Variants in DEPTOR observed in about 807,000 individuals in gnomAD.
DEPTOR encodes DEP domain-containing mTOR-interacting protein.
In DEPTOR, 41 loss-of-function variants were observed where a neutral mutation model predicts 41.6. The observed-to-expected ratio is 0.98, with a 90% CI of 0.77 to 1.28. The LOEUF (loss-of-function observed/expected upper bound fraction) is 1.28. Ranked by LOEUF, DEPTOR falls within the 50% of genes most tolerant of loss-of-function variation. The probability of loss-of-function intolerance (pLI) is 0.00; values close to 1 mark genes in which losing one functional copy is unlikely to be tolerated. For missense variants in DEPTOR, 514 were observed against 527.9 expected (o/e 0.97, Z 0.26); for synonymous variants, 195 against 192.3 (o/e 1.01, Z -0.12).
At chr8:120,020,779 C>T (rs986114059) in intron 8 of DEPTOR, among the ~76,000 whole-genome samples, 2 of 152,108 alleles carry the variant, frequency 1.3e-5, no homozygotes, top group Non-Finnish European at 1.5e-5. Context: ...ATGATGCTGG[C>T]CAGACACGGT....
intron 1 of DEPTOR, among the ~76,000 whole-genome samples, chr8:119,890,377 A>G (rs1563958066): frequency 6.6e-6 from 1 of 152,040 alleles, no homozygotes; most frequent in Non-Finnish European, 1.5e-5. Flanking sequence ...ATCTTGGCTC[A>G]CTGCAACCTC....
intron 4 of DEPTOR, 119 bp downstream of exon 4, chr8:119,965,529 T>G: frequency 7.9e-7 from 1 of 1,273,676 alleles, no homozygotes; most frequent in Non-Finnish European, 1.1e-6. Context: ...CACCTCTGCT[T>G]ATGTTCAGCT....
chr8:119,899,299 A>G (rs1827558028), intron 1 of DEPTOR, among the ~76,000 whole-genome samples: 1 of 152,166 alleles, frequency 6.6e-6, no homozygotes, highest in Non-Finnish European at 1.5e-5. Context: ...GTCTCTTTCG[A>G]TATCTTTTAA....
intron 3 of DEPTOR, among the ~76,000 whole-genome samples, chr8:119,955,804 A>G (rs1487060867): frequency 6.6e-6 from 1 of 152,176 alleles, no homozygotes; most frequent in Non-Finnish European, 1.5e-5. Flanking sequence ...ATATATTAAA[A>G]ACCACTGAAT....
intron 8 of DEPTOR, among the ~76,000 whole-genome samples, chr8:120,024,900 A>C (rs1487618991): frequency 2.6e-5 from 4 of 152,202 alleles, no homozygotes; most frequent in Non-Finnish European, 5.9e-5. Context: ...TCTATTAGAA[A>C]AGGGGTCAGG....
intron 8 of DEPTOR, among the ~76,000 whole-genome samples, chr8:120,030,496 A>ATTTTTTTTTTTTTTTTTTT (rs1812870115): frequency 3.2e-5 from 1 of 30,908 alleles, no homozygotes; most frequent in African/African-American, 9.8e-5. Flanking sequence ...TAGGTTCATC[A>ATTTTTTTTTTTTTTTTTTT]GTTTTTTTTT....
At chr8:119,888,879 AAAG>A (rs1211298042) in intron 1 of DEPTOR, among the ~76,000 whole-genome samples, 27 of 151,406 alleles carry the variant, frequency 1.8e-4, no homozygotes, top group Non-Finnish European at 3.4e-4. Context: ...AAAAAAAAAA[AAAG>A]ACTTCTTTGT....
chr8:119,941,111 T>A (rs568956773), intron 3 of DEPTOR, among the ~76,000 whole-genome samples: 3 of 151,910 alleles, frequency 2.0e-5, no homozygotes, highest in African/African-American at 7.2e-5. Context: ...TGGTGGCAGA[T>A]GCCTGTAATC....
At chr8:119,962,754 G>A (rs1052258351) in intron 3 of DEPTOR, among the ~76,000 whole-genome samples, 1 of 152,202 alleles carries the variant, frequency 6.6e-6, no homozygotes, top group Non-Finnish European at 1.5e-5. Context: ...AGTCAATTAA[G>A]AAAACACTGT....
intron 1 of DEPTOR, among the ~76,000 whole-genome samples, chr8:119,923,747 A>C (rs192937440): frequency 6.6e-6 from 1 of 151,724 alleles, no homozygotes; most frequent in African/African-American, 2.4e-5. Flanking sequence ...TGTTCTTTTT[A>C]AATTGTTTTA....
At chr8:119,993,444 A>G (rs889355590) in intron 4 of DEPTOR, among the ~76,000 whole-genome samples, 2 of 152,240 alleles carry the variant, frequency 1.3e-5, no homozygotes, top group African/African-American at 4.8e-5. Flanking sequence ...AGGCTTGGAA[A>G]GTCCCAGAAA....
intron 8 of DEPTOR, among the ~76,000 whole-genome samples, chr8:120,018,230 C>G (rs752689976): frequency 6.6e-6 from 1 of 152,052 alleles, no homozygotes; most frequent in Non-Finnish European, 1.5e-5. Context: ...TGAGAAAATG[C>G]CTTCTGTGAT....
At position 120,009,066 on chromosome 8, in the gene DEPTOR, G is replaced by A. The variant is rs147712866; in HGVS notation, c.1034G>A (p.Arg345Gln). The A allele has an allele frequency of 2.4e-4, 381 of 1,614,028 alleles. 3 individuals are homozygous for A. Among genetic ancestry groups the A allele is most frequent in the African/African-American group, 8.3e-4 (62 of 75,006 alleles). ...GCGGTTGGCTGGGGTTTTGTGGTGCGAGGAAGTAAGCCATGCCACATCCAG... is the reference window on the plus strand; with the variant it reads ...GCGGTTGGCTGGGGTTTTGTGGTGCAAGGAAGTAAGCCATGCCACATCCAG... ...GDAVGWGFVV[R>Q]GSKPCHIQAV... Residue 345 changes from arginine to glutamine, a missense_variant, in exon 8 of 9, where the codon CGA becomes CAA. Coordinates refer to ENST00000286234, the MANE Select transcript of DEPTOR (RefSeq NM_022783.4).
At chr8:119,958,998 G>T (rs992552215) in intron 3 of DEPTOR, among the ~76,000 whole-genome samples, 1 of 152,088 alleles carries the variant, frequency 6.6e-6, no homozygotes, top group Non-Finnish European at 1.5e-5. Flanking sequence ...TCTGTCACTT[G>T]TGTTGACATA....
At chr8:119,898,739 A>G (rs1223590873) in intron 1 of DEPTOR, among the ~76,000 whole-genome samples, 1 of 151,942 alleles carries the variant, frequency 6.6e-6, no homozygotes, top group Non-Finnish European at 1.5e-5. Context: ...AAAAAAAAAA[A>G]AGCCTTATAT....
At chr8:119,961,663 A>G (rs1300127746) in intron 3 of DEPTOR, among the ~76,000 whole-genome samples, 4 of 152,156 alleles carry the variant, frequency 2.6e-5, no homozygotes, top group Admixed American at 2.6e-4. Context: ...CCTTCCCACC[A>G]CACTGAAAGC....
At chr8:119,925,987 A>G (rs766029072) in intron 1 of DEPTOR, among the ~76,000 whole-genome samples, 2 of 152,236 alleles carry the variant, frequency 1.3e-5, no homozygotes, top group Non-Finnish European at 2.9e-5. Flanking sequence ...AAGAGAGAAC[A>G]TGTGGTATTG....
At chr8:119,921,748 G>GTTTTTTTTTTTTTTTTTTTT (rs1282897659) in intron 1 of DEPTOR, among the ~76,000 whole-genome samples, 10 of 131,130 alleles carry the variant, frequency 7.6e-5, no homozygotes, top group Non-Finnish European at 1.1e-4. Context: ...CTATTCTGTA[G>GTTTTTTTTTTTTTTTTTTTT]TTTTTTTTTT....
In DEPTOR at chr8:120,026,176, C is replaced by T. The variant is rs747790180; in HGVS notation, c.1101+17043C>T. ...TATTTTTTTGTGTTTTTAATATAGACGGGGTTTCGCCATGTTGGTCTGTAG... is the reference window on the plus strand; with the variant it reads ...TATTTTTTTGTGTTTTTAATATAGATGGGGTTTCGCCATGTTGGTCTGTAG... On this transcript the variant is annotated intron_variant, in intron 8 of 8. Transcript: ENST00000286234. Among the ~76,000 whole-genome samples the T allele has an allele frequency of 4.0e-5, 6 of 150,800 alleles. No individual in the cohort carries two copies. In the East Asian group the frequency reaches 8.0e-4, roughly 20 times the overall value.
Sources: gnomAD v4.1 joint callset for allele counts (sites outside exome capture counted in the v4.1 genomes callset) on GRCh38, gnomAD v4.1.1 for gene constraint, MANE v1.5 for transcripts, NCBI Gene and HGNC (gene_info 2026-07-23, HGNC 2026-07-21) for gene names.